Variants in ADCY2 observed in about 807,000 individuals in gnomAD.
The protein encoded by ADCY2 is adenylate cyclase type 2.
A neutral mutation model predicts 125.2 loss-of-function variants in ADCY2; 31 were observed. The observed-to-expected ratio is 0.25, with a 90% CI of 0.19 to 0.33. The LOEUF is 0.33. Among genes scored for constraint, ADCY2 ranks in the 10% least tolerant of loss-of-function variants. ADCY2 has a pLI of 1.00. For synonymous variants in ADCY2, 512 were observed against 548.4 expected, an observed-to-expected ratio of 0.93 and a Z score of 0.93; for missense variants, 904 against 1,418.2, an observed-to-expected ratio of 0.64 and a Z score of 5.82.
chr5:7,824,050 C>G (rs1471988604), intron 24 of ADCY2, among the ~76,000 whole-genome samples: 1 of 152,142 alleles, frequency 6.6e-6, no homozygotes, highest in Non-Finnish European at 1.5e-5. Context: ...AGTTTTTAAT[C>G]CCGAAGGTGT....
intron 2 of ADCY2, among the ~76,000 whole-genome samples, chr5:7,481,729 A>G (rs1742738378): frequency 6.6e-6 from 1 of 152,076 alleles, no homozygotes; most frequent in Non-Finnish European, 1.5e-5. Context: ...CAGTCTGTAT[A>G]TATCTTCTGC....
intron 16 of ADCY2, among the ~76,000 whole-genome samples, chr5:7,763,210 C>T (rs568685729): frequency 4.6e-5 from 7 of 152,132 alleles, no homozygotes; most frequent in African/African-American, 1.7e-4. Context: ...TCTGCCTCTG[C>T]GTCCCGCGTA....
chr5:7,633,540 A>T (rs1738397273), intron 4 of ADCY2, among the ~76,000 whole-genome samples: 1 of 152,208 alleles, frequency 6.6e-6, no homozygotes, highest in Non-Finnish European at 1.5e-5. Context: ...TTAATGGTTA[A>T]ATATATGCAG....
intron 2 of ADCY2, among the ~76,000 whole-genome samples, chr5:7,474,078 A>G (rs1742434473): frequency 6.6e-6 from 1 of 152,218 alleles, no homozygotes; most frequent in Non-Finnish European, 1.5e-5. Flanking sequence ...AGCTCTCTGA[A>G]GAGTTCAAGG....
chr5:7,694,305 G>A (rs1740817703), intron 5 of ADCY2, among the ~76,000 whole-genome samples: 1 of 152,038 alleles, frequency 6.6e-6, no homozygotes, highest in South Asian at 2.1e-4. Flanking sequence ...ATTTACAATT[G>A]CAATCAATTT....
intron 3 of ADCY2, among the ~76,000 whole-genome samples, chr5:7,572,188 T>C (rs1415502370): frequency 6.6e-6 from 1 of 152,184 alleles, no homozygotes. Context: ...ATGGTATTTC[T>C]ATCTTCAGGT....
At chr5:7,400,836 T>C (rs1353745672) in intron 1 of ADCY2, among the ~76,000 whole-genome samples, 2 of 152,222 alleles carry the variant, frequency 1.3e-5, no homozygotes, top group African/African-American at 2.4e-5. Flanking sequence ...AATTTACTTG[T>C]GGTATAACAA....
intron 14 of ADCY2, among the ~76,000 whole-genome samples, chr5:7,742,474 C>G (rs567893328): frequency 1.3e-4 from 20 of 152,264 alleles, no homozygotes; most frequent in Admixed American, 4.6e-4. Flanking sequence ...TGAGTCATGT[C>G]TAGGACATGA....
rs1258747868 is a variant in ADCY2 at position 7,742,036 on chromosome 5, TA to T, written c.1872-1622del. On this transcript the variant is annotated intron_variant, in intron 14 of 24. Transcript: ENST00000338316. ...TTCAGTATTTAAACAGTTTGGGGCC[TA>T]AAAAAAAAAGACGAAATGTTGTTTC... Among the ~76,000 whole-genome samples the T allele has an allele frequency of 2.5e-3, 315 of 124,138 alleles. 2 individuals carry two copies. Among genetic ancestry groups the T allele is most frequent in the African/African-American group, 7.3e-3 (241 of 32,870 alleles). 81.4% of individuals were successfully genotyped at this position (124,138 alleles called of 152,430 possible). A position where few individuals can be genotyped will look rare whatever the true frequency, so the allele number is the denominator to read the frequency against.
At chr5:7,688,711 CA>C (rs1236106970) in intron 4 of ADCY2, among the ~76,000 whole-genome samples, 2 of 152,048 alleles carry the variant, frequency 1.3e-5, no homozygotes, top group Non-Finnish European at 2.9e-5. Context: ...AATCAATAAA[CA>C]GAAAGAATAG....
chr5:7,644,055 T>C (rs1738804081), intron 4 of ADCY2, among the ~76,000 whole-genome samples: 1 of 152,130 alleles, frequency 6.6e-6, no homozygotes, highest in Admixed American at 6.6e-5. Flanking sequence ...TATTTTAAAA[T>C]AAATAAACTA....
chr5:7,452,167 C>G (rs1031107377), intron 2 of ADCY2, among the ~76,000 whole-genome samples: 14 of 152,166 alleles, frequency 9.2e-5, no homozygotes, highest in African/African-American at 3.4e-4. Context: ...CCTGCCTCAG[C>G]CTCTCAAAGT....
intron 1 of ADCY2, among the ~76,000 whole-genome samples, chr5:7,400,981 T>C (rs1739242556): frequency 6.6e-6 from 1 of 152,214 alleles, no homozygotes; most frequent in Non-Finnish European, 1.5e-5. Context: ...CCTTTCCCAT[T>C]TTGAAAGGAC....
chr5:7,713,781 T>C (rs1459412648), intron 11 of ADCY2, among the ~76,000 whole-genome samples: 1 of 152,132 alleles, frequency 6.6e-6, no homozygotes, highest in East Asian at 1.9e-4. Flanking sequence ...AGATAACCAG[T>C]GTAAGATGTA....
rs984876261 is a variant in ADCY2 at position 7,709,767 on chromosome 5, G to A, written c.1578+380G>A. On this transcript the variant is annotated intron_variant, in intron 10 of 24. Coordinates refer to ENST00000338316, the MANE Select transcript of ADCY2 (RefSeq NM_020546.3). The surrounding 1 kb of genome is among the most constrained non-coding windows in gnomAD (Gnocchi z 4.4). ...GCATGATGCCCTTGGAGTTTAAGTAGTATCATCAAGCCCATTTCTTCATTG... is the reference window on the plus strand; with the variant it reads ...GCATGATGCCCTTGGAGTTTAAGTAATATCATCAAGCCCATTTCTTCATTG... Among the ~76,000 whole-genome samples the A allele has an allele frequency of 7.2e-5, 11 of 152,192 alleles. No individual in the cohort carries two copies. The highest frequency in any genetic ancestry group is 2.4e-4 in the African/African-American group (10 of 41,456).
chr5:7,623,466 C>A (rs1212816042), intron 3 of ADCY2, among the ~76,000 whole-genome samples: 1 of 152,176 alleles, frequency 6.6e-6, no homozygotes. Context: ...TTTGCGGAAG[C>A]AAAGTATGGC....
At chr5:7,430,451 A>C (rs1740547029) in intron 2 of ADCY2, among the ~76,000 whole-genome samples, 1 of 149,480 alleles carries the variant, frequency 6.7e-6, no homozygotes, top group African/African-American at 2.5e-5. Context: ...TCTAACCAAA[A>C]TTCAAATCAA....
chr5:7,725,401 GA>G (rs1416184138), intron 13 of ADCY2, among the ~76,000 whole-genome samples: 1 of 152,040 alleles, frequency 6.6e-6, no homozygotes, highest in Non-Finnish European at 1.5e-5. Context: ...ATTATTTTAT[GA>G]ATATCAAATA....
chr5:7,784,601 G>T (rs1343369242), intron 19 of ADCY2, 152 bp downstream of exon 19: 2 of 512,100 alleles, frequency 3.9e-6, no homozygotes, highest in Admixed American at 7.5e-5. Context: ...TTAGTACAGG[G>T]TGTGGATGCT....
Sources: gnomAD v4.1 joint callset for allele counts (sites outside exome capture counted in the v4.1 genomes callset) on GRCh38, gnomAD v4.1.1 for gene constraint, Gnocchi (gnomAD v3.1) non-coding constraint, MANE v1.5 for transcripts, NCBI Gene and HGNC (gene_info 2026-07-23, HGNC 2026-07-21) for gene names.